The following UBP1 variants were observed in gnomAD, a reference collection of about 807,000 sequenced individuals.
UBP1 encodes the protein upstream binding protein 1.
In UBP1, 22 loss-of-function variants were observed where a neutral mutation model predicts 76.1. The ratio of observed to expected loss-of-function variants is 0.29; its 90% confidence interval spans 0.21 to 0.41. The LOEUF (loss-of-function observed/expected upper bound fraction) is 0.41. Among genes scored for constraint, UBP1 ranks in the 10% least tolerant of loss-of-function variants. UBP1 has a pLI of 1.00. For missense variants in UBP1, 436 were observed against 668.1 expected, an observed-to-expected ratio of 0.65 and a Z score of 3.83; for synonymous variants, 224 against 237.1, an observed-to-expected ratio of 0.94 and a Z score of 0.51.
chr3:33,409,228 T>A lies in UBP1; in HGVS notation c.819+8A>T, dbSNP rs1473825912. The A allele has an allele frequency of 6.2e-7, 1 of 1,612,662 alleles. No homozygotes were observed. Reference sequence around the variant, plus strand: ...TCTCTTCCAAAACCAAATGCTTTACTACATTACCTCTGTGAGGATTGTGGT... The same window carrying A: ...TCTCTTCCAAAACCAAATGCTTTACAACATTACCTCTGTGAGGATTGTGGT... On this transcript the variant is annotated splice_region_variant and intron_variant, in intron 7 of 15. Coordinates refer to ENST00000283629, the MANE Select transcript of UBP1 (RefSeq NM_014517.5).
chr3:33,416,208 G>A (rs1324937106), intron 3 of UBP1: 1 of 152,256 alleles, frequency 6.6e-6, no homozygotes, highest in Non-Finnish European at 1.5e-5. Flanking sequence ...ACCCTGCCCT[G>A]TAATGCTATG....
At chr3:33,418,634 A>G (rs2044794903) in intron 2 of UBP1, among the ~76,000 whole-genome samples, 1 of 151,644 alleles carries the variant, frequency 6.6e-6, no homozygotes. Flanking sequence ...CGAGGCGGGC[A>G]GATCACCTGA....
intron 1 of UBP1, 59 bp from the exon 2 acceptor site, chr3:33,425,800 C>T (rs1280117528): frequency 6.7e-7 from 1 of 1,484,224 alleles, no homozygotes; most frequent in African/African-American, 1.4e-5. Context: ...TGTCTACAGC[C>T]ATATCATCCT....
intron 5 of UBP1, 38 bp downstream of exon 5, chr3:33,411,539 ATAAC>A: frequency 6.5e-7 from 1 of 1,544,742 alleles, no homozygotes; most frequent in Non-Finnish European, 8.9e-7. Flanking sequence ...CATGACCTAA[ATAAC>A]TAGGTTAGTA....
chr3:33,405,419 C>A (rs940992742), intron 8 of UBP1, among the ~76,000 whole-genome samples: 27 of 152,192 alleles, frequency 1.8e-4, no homozygotes, highest in Admixed American at 1.8e-3. Flanking sequence ...ACGCAAATCA[C>A]CACCACGCCA....
chr3:33,398,865 C>T (rs2044113246), intron 11 of UBP1, among the ~76,000 whole-genome samples: 1 of 152,188 alleles, frequency 6.6e-6, no homozygotes, highest in Admixed American at 6.5e-5. Flanking sequence ...CCCCAGCTCC[C>T]CGACCCTGAA....
At chr3:33,430,923 C>T (rs2045102605) in intron 1 of UBP1, among the ~76,000 whole-genome samples, 1 of 152,148 alleles carries the variant, frequency 6.6e-6, no homozygotes, top group South Asian at 2.1e-4. Flanking sequence ...CCTGACTGGA[C>T]ACAGACCACC....
At chr3:33,416,685 T>A in intron 3 of UBP1, 73 bp downstream of exon 3, 1 of 1,206,716 alleles carries the variant, frequency 8.3e-7, no homozygotes, top group Non-Finnish European at 1.2e-6. Context: ...TGAAGTGAAA[T>A]TAATTTTTTT....
chr3:33,425,691 A>G lies in UBP1; in HGVS notation c.164T>C (p.Leu55Ser), dbSNP rs1297529782. Reference protein sequence around the residue: ...IFKQEDSSLPLDGETEHPPFQ... With the variant: ...IFKQEDSSLPSDGETEHPPFQ... ...GGGTGGGTGCTCTGTTTCACCATCCAATGGAAGGCTGGAATCTTCCTGCTT... is the reference window on the plus strand; with the variant it reads ...GGGTGGGTGCTCTGTTTCACCATCCGATGGAAGGCTGGAATCTTCCTGCTT... The change falls in exon 2 of 16, where the codon TTG becomes TCG. Residue 55 changes from leucine to serine, a missense_variant. Transcript: ENST00000283629. 6 of 1,600,534 alleles carry G rather than the reference A, an allele frequency of 3.7e-6. No homozygotes were observed. Among genetic ancestry groups the G allele is most frequent in the South Asian group, 3.3e-5 (3 of 89,936 alleles).
Position 33,439,877 on chromosome 3 carries a change from C to T in UBP1, c.-29G>A. ...CCGGCCTCGCCGTCGCCCCGCACAC[C>T]GCGGCCTCCGCGTCCAGGGCGAAGG... On this transcript the variant is annotated 5_prime_UTR_variant, in exon 1 of 16. Transcript: ENST00000283629. 1.2e-6 allele frequency: 2 copies of T among 1,608,130 alleles called. No individual in the cohort carries two copies. The highest frequency in any genetic ancestry group is 1.7e-6 in the Non-Finnish European group (2 of 1,177,818).
At position 33,390,325 on chromosome 3, in the gene UBP1, A is replaced by G; in HGVS notation, c.*6T>C. The G allele has an allele frequency of 1.9e-6, 3 of 1,613,840 alleles. No homozygotes were observed. Among genetic ancestry groups the G allele is most frequent in the Non-Finnish European group, 2.5e-6 (3 of 1,179,686 alleles). On this transcript the variant is annotated 3_prime_UTR_variant, in exon 16 of 16. Transcript: ENST00000283629. The stretch of plus-strand genomic sequence containing the variant: ...GTACTGAATACAGTTCAGTCTATAT[A>G]AGACATCACTTCAAAATTATGTGGA...
intron 8 of UBP1, chr3:33,403,199 T>TTC: frequency 3.3e-6 from 1 of 300,832 alleles, no homozygotes; most frequent in East Asian, 1.2e-4. Context: ...TTGAAGAGCT[T>TTC]TCTCCTCCCT....
chr3:33,390,018 G>C lies in UBP1; in HGVS notation c.*313C>G, dbSNP rs2043694699. The C allele has an allele frequency of 3.0e-6, 1 of 331,032 alleles. No individual in the cohort carries two copies. The highest frequency in any genetic ancestry group is 5.5e-6 in the Non-Finnish European group (1 of 180,294). The allele number at this position is 331,032 out of a possible 1,614,324, so 20.5% of individuals were successfully genotyped here. A position where few individuals can be genotyped will look rare whatever the true frequency, so the allele number is the denominator to read the frequency against. On this transcript the variant is annotated 3_prime_UTR_variant, in exon 16 of 16. Coordinates refer to ENST00000283629, the MANE Select transcript of UBP1 (RefSeq NM_014517.5). ...TTCCAAACCGCATACAGTGTAAAAAGACAGCAAAGGCTGCTTCTAGGAACT... is the reference window on the plus strand; with the variant it reads ...TTCCAAACCGCATACAGTGTAAAAACACAGCAAAGGCTGCTTCTAGGAACT...
intron 10 of UBP1, 67 bp from the exon 11 acceptor site, chr3:33,400,349 CAG>C: frequency 7.7e-7 from 1 of 1,306,764 alleles, no homozygotes; most frequent in Non-Finnish European, 1.0e-6. Flanking sequence ...AAACAAAACA[CAG>C]AAAGCCTCGG....
chr3:33,401,632 C>T (rs1020096301), intron 9 of UBP1, among the ~76,000 whole-genome samples: 2 of 152,190 alleles, frequency 1.3e-5, no homozygotes, highest in Non-Finnish European at 1.5e-5. Flanking sequence ...GCCCCCGTGC[C>T]TCAATTGCTT....
chr3:33,393,399 A>C lies in UBP1; in HGVS notation c.1446T>G (p.Leu482=). 2 of 1,613,640 alleles carry C rather than the reference A, an allele frequency of 1.2e-6. No homozygotes were observed. Among genetic ancestry groups the C allele is most frequent in the Non-Finnish European group, 1.7e-6 (2 of 1,179,782 alleles). The change falls in exon 14 of 16, where the codon CTT becomes CTG. Residue 482 remains leucine (L), a synonymous_variant. Transcript: ENST00000283629. ...GGAGAGGGATATTAAACACCAGCGCAAGTTTTCGAGCAACTTCTGAGGCAA... is the reference window on the plus strand; with the variant it reads ...GGAGAGGGATATTAAACACCAGCGCCAGTTTTCGAGCAACTTCTGAGGCAA... ...EMIASEVARK[L]ALVFNIPLHQ...
At chr3:33,428,456 T>C (rs2045057569) in intron 1 of UBP1, among the ~76,000 whole-genome samples, 1 of 134,386 alleles carries the variant, frequency 7.4e-6, no homozygotes, top group African/African-American at 3.0e-5. Flanking sequence ...GATGTATAAC[T>C]GCATGAGAAT....
At chr3:33,411,982 T>A (rs1575473479) in intron 4 of UBP1, among the ~76,000 whole-genome samples, 1 of 150,474 alleles carries the variant, frequency 6.6e-6, no homozygotes, top group Non-Finnish European at 1.5e-5. Flanking sequence ...AGGTCAGGAG[T>A]TTGAGACCAG....
At chr3:33,422,420 G>A (rs1485515827) in intron 2 of UBP1, among the ~76,000 whole-genome samples, 4 of 151,578 alleles carry the variant, frequency 2.6e-5, no homozygotes, top group African/African-American at 7.3e-5. Context: ...GAGGAGGGAG[G>A]AAAGAAGAAA....
Sources: gnomAD v4.1 joint callset for allele counts (sites outside exome capture counted in the v4.1 genomes callset) on GRCh38, gnomAD v4.1.1 for gene constraint, MANE v1.5 for transcripts, NCBI Gene and HGNC (gene_info 2026-07-23, HGNC 2026-07-21) for gene names.